The following CCSER1 variants were observed in gnomAD, a reference collection of about 807,000 sequenced individuals.
CCSER1 encodes serine-rich coiled-coil domain-containing protein 1.
CCSER1 carries 41 observed loss-of-function variants against 82.0 expected under a neutral mutation model. The ratio of observed to expected loss-of-function variants is 0.50; its 90% CI spans 0.39 to 0.65. The LOEUF (loss-of-function observed/expected upper bound fraction) is 0.65. Among genes scored for constraint, CCSER1 ranks in the 30% least tolerant of loss-of-function variants. CCSER1 has a pLI of 0.00. For synonymous variants in CCSER1, 414 were observed against 383.9 expected, an observed-to-expected ratio of 1.08 and a Z score of -0.92; for missense variants, 1,119 against 1,064.2, an observed-to-expected ratio of 1.05 and a Z score of -0.72.
At chr4:91,360,408 A>T (rs1239102763) in intron 10 of CCSER1, among the ~76,000 whole-genome samples, 1 of 145,806 alleles carries the variant, frequency 6.9e-6, no homozygotes, top group Non-Finnish European at 1.5e-5. Flanking sequence ...TAGTTAAGAC[A>T]CAAACCTTCA....
chr4:90,682,225 G>A (rs541753800), intron 6 of CCSER1, among the ~76,000 whole-genome samples: 20 of 149,526 alleles, frequency 1.3e-4, no homozygotes, highest in Middle Eastern at 3.4e-3. Context: ...TAATAATTCC[G>A]CTTATATTGA....
At chr4:90,190,273 G>C (rs1308255365) in intron 1 of CCSER1, among the ~76,000 whole-genome samples, 1 of 152,042 alleles carries the variant, frequency 6.6e-6, no homozygotes, top group African/African-American at 2.4e-5. Context: ...TTGCATTCAA[G>C]ATGAAAAGTA....
At chr4:90,744,918 T>G (rs1747158677) in intron 7 of CCSER1, among the ~76,000 whole-genome samples, 1 of 151,614 alleles carries the variant, frequency 6.6e-6, no homozygotes, top group South Asian at 2.1e-4. Context: ...TGATCTAGAC[T>G]ATCGTAAATA....
At chr4:90,399,974 T>C (rs1752577811) in intron 3 of CCSER1, 62 bp from the exon 4 acceptor site, 2 of 873,596 alleles carry the variant, frequency 2.3e-6, no homozygotes, top group Non-Finnish European at 3.7e-6. Flanking sequence ...CTTCCACATA[T>C]GAGTATTTCC....
intron 7 of CCSER1, among the ~76,000 whole-genome samples, chr4:90,753,748 C>T (rs1406904361): frequency 6.6e-6 from 1 of 152,088 alleles, no homozygotes; most frequent in Admixed American, 6.6e-5. Flanking sequence ...GCCTTCATAT[C>T]AAACGCAAGA....
rs564759508 is a variant in CCSER1 at position 90,249,890 on chromosome 4, A to G, written c.-41-58354A>G. Among the ~76,000 whole-genome samples the G allele has an allele frequency of 3.1e-3, 465 of 152,234 alleles. 3 individuals are homozygous for G. Among genetic ancestry groups the G allele is most frequent in the African/African-American group, 0.011 (445 of 41,552 alleles). On this transcript the variant is annotated intron_variant, in intron 1 of 10. Transcript: ENST00000509176. ...GCAGGACGATTCCAGTTTCTCTACC[A>G]TCTGGAGAACACTTATTAATATCAA...
intron 10 of CCSER1, among the ~76,000 whole-genome samples, chr4:91,262,086 A>T (rs914762394): frequency 6.6e-6 from 1 of 152,130 alleles, no homozygotes; most frequent in Non-Finnish European, 1.5e-5. Context: ...AATAAATAAT[A>T]TATAAAAAGT....
intron 5 of CCSER1, among the ~76,000 whole-genome samples, chr4:90,571,757 T>TTAAAATAA (rs2153654369): frequency 6.6e-6 from 1 of 152,202 alleles, no homozygotes; most frequent in East Asian, 1.9e-4. Context: ...TTAAAATAAA[T>TTAAAATAA]AACACAAAAA....
At chr4:91,136,320 G>A (rs1490683540) in intron 10 of CCSER1, among the ~76,000 whole-genome samples, 1 of 152,002 alleles carries the variant, frequency 6.6e-6, no homozygotes, top group Non-Finnish European at 1.5e-5. Flanking sequence ...TCTTTATTGG[G>A]GTTGTTTCCT....
At chr4:91,576,313 T>A (rs946290497) in intron 10 of CCSER1, among the ~76,000 whole-genome samples, 5 of 152,016 alleles carry the variant, frequency 3.3e-5, no homozygotes, top group Admixed American at 2.6e-4. Flanking sequence ...AGACAAATAC[T>A]ACATAATATC....
chr4:90,315,924 A>G (rs1318113773), intron 3 of CCSER1, among the ~76,000 whole-genome samples: 2 of 152,242 alleles, frequency 1.3e-5, no homozygotes, highest in Non-Finnish European at 2.9e-5. Context: ...CAAGTGATGT[A>G]TATTTGGAAA....
intron 10 of CCSER1, among the ~76,000 whole-genome samples, chr4:91,268,006 G>A (rs17270302): frequency 0.27 from 41,277 of 152,060 alleles, 5,702 homozygotes; most frequent in South Asian, 0.38. Flanking sequence ...TAATTTTCAA[G>A]AGGATCAATT....
rs980494218 is a variant in CCSER1, at chr4:91,260,739, GT to G, written c.2217+174751del. Among the ~76,000 whole-genome samples the G allele has an allele frequency of 1.6e-3, 239 of 151,784 alleles. 2 individuals are homozygous for G. Among genetic ancestry groups the G allele is most frequent in the African/African-American group, 5.3e-3 (220 of 41,426 alleles). On this transcript the variant is annotated intron_variant, in intron 10 of 10. Transcript: ENST00000509176. ...AATGTTAGAACCACTTACCTAGGAA[GT>G]TTTTTATTTATTTATTTATTTATTT...
chr4:90,702,300 C>G (rs567606601), intron 6 of CCSER1, among the ~76,000 whole-genome samples: 62 of 152,224 alleles, frequency 4.1e-4, no homozygotes, highest in African/African-American at 1.3e-3. Flanking sequence ...GTTTAACCAG[C>G]CTTGCATCCC....
At chr4:91,050,447 C>G (rs920737504) in intron 9 of CCSER1, among the ~76,000 whole-genome samples, 1 of 142,892 alleles carries the variant, frequency 7.0e-6, no homozygotes, top group African/African-American at 2.6e-5. Flanking sequence ...AAAAAAAATG[C>G]ATAGACTAAA....
intron 10 of CCSER1, among the ~76,000 whole-genome samples, chr4:91,338,427 T>C (rs1443463655): frequency 6.6e-6 from 1 of 152,126 alleles, no homozygotes; most frequent in Non-Finnish European, 1.5e-5. Context: ...AGGAAACAAC[T>C]CTGTAATTCT....
intron 1 of CCSER1, among the ~76,000 whole-genome samples, chr4:90,291,345 A>G (rs1730911357): frequency 6.6e-6 from 1 of 152,012 alleles, no homozygotes; most frequent in South Asian, 2.1e-4. Context: ...ATTCAATACA[A>G]TAGTTGGTCG....
At chr4:91,293,060 G>A (rs1446362343) in intron 10 of CCSER1, among the ~76,000 whole-genome samples, 1 of 151,906 alleles carries the variant, frequency 6.6e-6, no homozygotes, top group African/African-American at 2.4e-5. Flanking sequence ...GTTTAGATAA[G>A]CCTGTCTATA....
At chr4:91,137,461 G>A (rs1430038252) in intron 10 of CCSER1, among the ~76,000 whole-genome samples, 49 of 67,790 alleles carry the variant, frequency 7.2e-4, no homozygotes, top group Non-Finnish European at 9.8e-4. Context: ...GAATAATGCC[G>A]CAATAAACAT....
Sources: allele counts gnomAD v4.1 joint callset (sites outside exome capture counted in the v4.1 genomes callset), GRCh38; gene constraint gnomAD v4.1.1; transcripts MANE v1.5; gene names NCBI Gene and HGNC (gene_info 2026-07-23, HGNC 2026-07-21).